Variants in ZFPM2 observed in about 807,000 individuals in gnomAD.
ZFPM2 encodes zinc finger protein ZFPM2.
Under a neutral mutation model 98.6 loss-of-function variants are expected in ZFPM2, and 20 were observed. The observed-to-expected ratio is 0.20, with a 90% confidence interval of 0.14 to 0.29. The LOEUF (loss-of-function observed/expected upper bound fraction) is 0.29, where lower values mean the gene tolerates loss of function less well. ZFPM2 is among the 10% of genes least tolerant of loss of function. The probability of loss-of-function intolerance (pLI) is 1.00; values close to 1 mark genes in which losing one functional copy is unlikely to be tolerated. For missense variants in ZFPM2, 1,310 were observed against 1,388.6 expected (o/e 0.94, Z 0.90); for synonymous variants, 518 against 502.7 (o/e 1.03, Z -0.41).
chr8:105,636,507 AT>A (rs1419300305), intron 5 of ZFPM2, among the ~76,000 whole-genome samples: 13 of 152,144 alleles, frequency 8.5e-5, no homozygotes, highest in Admixed American at 2.6e-4. Context: ...TTGTTTCATG[AT>A]CATGAATATA....
rs1554600680 is a variant in ZFPM2 at position 105,393,337 on chromosome 8, C to CTGTCTTTCTTT, written c.41-25807_41-25806insTGTCTTTCTTT. 1.5e-3 allele frequency among the ~76,000 whole-genome samples: 178 copies of CTGTCTTTCTTT among 114,842 alleles called. 6 individuals carry two copies. The highest frequency in any genetic ancestry group is 5.1e-3 in the African/African-American group (161 of 31,372). The allele number at this position is 114,842 out of a possible 152,430, so 75.3% of individuals were successfully genotyped here. ...TCTTCCTTCCCTCTCTCTCTCTTTG[C>CTGTCTTTCTTT]CTTTCTTTCTTTCTTTCTTTCTTTC... On this transcript the variant is annotated intron_variant, in intron 1 of 7. Coordinates refer to ENST00000407775, the MANE Select transcript of ZFPM2 (RefSeq NM_012082.4).
intron 3 of ZFPM2, among the ~76,000 whole-genome samples, chr8:105,530,740 G>T (rs541597943): frequency 6.6e-6 from 1 of 152,024 alleles, no homozygotes; most frequent in Non-Finnish European, 1.5e-5. Flanking sequence ...CACATCAGGG[G>T]TTAGTGCTTC....
intron 2 of ZFPM2, among the ~76,000 whole-genome samples, chr8:105,434,055 A>G (rs1812072796): frequency 1.3e-5 from 2 of 152,224 alleles, no homozygotes; most frequent in South Asian, 4.1e-4. Flanking sequence ...TATACTGAAT[A>G]TAACTACCCA....
intron 5 of ZFPM2, among the ~76,000 whole-genome samples, chr8:105,784,342 T>A (rs1813349666): frequency 7.8e-6 from 1 of 128,416 alleles, no homozygotes; most frequent in African/African-American, 5.0e-5. Context: ...CAATAGTTGG[T>A]GATCCATAAA....
chr8:105,400,114 T>C (rs908829779), intron 1 of ZFPM2, among the ~76,000 whole-genome samples: 1 of 152,164 alleles, frequency 6.6e-6, no homozygotes, highest in African/African-American at 2.4e-5. Context: ...TTTATGTCCA[T>C]CTATTTATTG....
intron 1 of ZFPM2, among the ~76,000 whole-genome samples, chr8:105,361,318 GTT>G (rs1491402736): frequency 2.7e-5 from 4 of 147,922 alleles, no homozygotes; most frequent in Non-Finnish European, 5.9e-5. Flanking sequence ...TTTTGATGGG[GTT>G]TTGTTTTTTT....
chr8:105,483,890 C>G (rs9297364), intron 3 of ZFPM2, among the ~76,000 whole-genome samples: 1 of 150,928 alleles, frequency 6.6e-6, no homozygotes, highest in African/African-American at 2.4e-5. Flanking sequence ...CCTGCCACCA[C>G]GCCCGGCTAA....
intron 5 of ZFPM2, among the ~76,000 whole-genome samples, chr8:105,768,041 A>G (rs1165320413): frequency 6.6e-6 from 1 of 151,818 alleles, no homozygotes; most frequent in East Asian, 1.9e-4. Flanking sequence ...ATATGTTCAC[A>G]TGCTAAGAGA....
intron 4 of ZFPM2, among the ~76,000 whole-genome samples, chr8:105,619,449 T>C (rs1816487577): frequency 6.6e-6 from 1 of 152,112 alleles, no homozygotes; most frequent in Non-Finnish European, 1.5e-5. Context: ...ATATTCTACA[T>C]AGTAGATAAC....
intron 5 of ZFPM2, among the ~76,000 whole-genome samples, chr8:105,756,842 G>A (rs2958709): frequency 0.1 from 15,345 of 152,152 alleles, 1,055 homozygotes; most frequent in Non-Finnish European, 0.15. Context: ...TTGATCAAGT[G>A]CTAAACCCGT....
chr8:105,754,459 C>CT (rs1812548969), intron 5 of ZFPM2, among the ~76,000 whole-genome samples: 1 of 152,028 alleles, frequency 6.6e-6, no homozygotes, highest in Non-Finnish European at 1.5e-5. Flanking sequence ...GGCTTCGAAG[C>CT]TCTGTCATAC....
chr8:105,528,543 G>T (rs1258988451), intron 3 of ZFPM2, among the ~76,000 whole-genome samples: 1 of 152,114 alleles, frequency 6.6e-6, no homozygotes, highest in Admixed American at 6.6e-5. Context: ...AGAATGAATA[G>T]TTGAAAGTTT....
intron 1 of ZFPM2, among the ~76,000 whole-genome samples, chr8:105,414,007 C>T (rs1811630819): frequency 6.6e-6 from 1 of 151,760 alleles, no homozygotes; most frequent in African/African-American, 2.4e-5. Context: ...GACTTTCATC[C>T]CACCTGTCAG....
chr8:105,501,254 C>T (rs1218872164), intron 3 of ZFPM2, among the ~76,000 whole-genome samples: 1 of 150,356 alleles, frequency 6.7e-6, no homozygotes, highest in Non-Finnish European at 1.5e-5. Flanking sequence ...GCCATCTCAG[C>T]TGGCTGCAAA....
chr8:105,670,322 C>T (rs1429097108), intron 5 of ZFPM2, among the ~76,000 whole-genome samples: 4 of 151,842 alleles, frequency 2.6e-5, no homozygotes, highest in Non-Finnish European at 5.9e-5. Context: ...CGGTGAAACC[C>T]CATCTCTACT....
At chr8:105,670,298 C>T (rs574746506) in intron 5 of ZFPM2, among the ~76,000 whole-genome samples, 22 of 151,842 alleles carry the variant, frequency 1.4e-4, no homozygotes, top group Non-Finnish European at 2.1e-4. Flanking sequence ...AGATTGAGAC[C>T]ATCCTGGCTA....
chr8:105,569,059 A>G (rs1815301492), intron 4 of ZFPM2, among the ~76,000 whole-genome samples: 1 of 151,978 alleles, frequency 6.6e-6, no homozygotes, highest in Non-Finnish European at 1.5e-5. Context: ...CTTCCAAGGT[A>G]GACCTTCTCT....
intron 5 of ZFPM2, among the ~76,000 whole-genome samples, chr8:105,634,937 C>T (rs1816819034): frequency 6.6e-6 from 1 of 152,152 alleles, no homozygotes; most frequent in Non-Finnish European, 1.5e-5. Flanking sequence ...GACATCAACC[C>T]AGACTGTGTC....
intron 1 of ZFPM2, among the ~76,000 whole-genome samples, chr8:105,396,217 G>A (rs1389875914): frequency 6.6e-6 from 1 of 152,178 alleles, no homozygotes; most frequent in Non-Finnish European, 1.5e-5. Flanking sequence ...GTTGAGGGGG[G>A]TGGCATTCAC....
Sources: gnomAD v4.1 joint callset for allele counts (sites outside exome capture counted in the v4.1 genomes callset) on GRCh38, gnomAD v4.1.1 for gene constraint, MANE v1.5 for transcripts, NCBI Gene and HGNC (gene_info 2026-07-23, HGNC 2026-07-21) for gene names.